Variants in PRELID2 observed in about 807,000 individuals in gnomAD.
PRELID2 encodes the protein PRELI domain-containing protein 2.
In PRELID2, 25 loss-of-function variants were observed where a neutral mutation model predicts 28.4. The observed-to-expected ratio is 0.88, with a 90% CI of 0.64 to 1.23. The LOEUF (loss-of-function observed/expected upper bound fraction) is 1.23, where lower values mean the gene tolerates loss of function less well. Among genes scored for constraint, PRELID2 ranks in the 50% most tolerant of loss-of-function variants. The probability of loss-of-function intolerance (pLI) is 0.00; values close to 1 mark genes in which losing one functional copy is unlikely to be tolerated. For synonymous variants in PRELID2, 76 were observed against 71.6 expected (o/e 1.06, Z -0.31); for missense variants, 201 against 214.4 (o/e 0.94, Z 0.39).
At chr5:145,494,420 G>A (rs955086175) in intron 1 of PRELID2, among the ~76,000 whole-genome samples, 2 of 152,056 alleles carry the variant, frequency 1.3e-5, no homozygotes, top group Non-Finnish European at 2.9e-5. Context: ...AGCAATATAG[G>A]ATTAATAAAA....
At chr5:145,659,895 GAAGGGATAGAA>G (rs994084785) in intron 1 of PRELID2, among the ~76,000 whole-genome samples, 8 of 152,118 alleles carry the variant, frequency 5.3e-5, no homozygotes, top group Non-Finnish European at 8.8e-5. Context: ...GTCTATGTGG[GAAGGGATAGAA>G]AAGGGTAGCA....
At chr5:145,652,277 T>C (rs557960447) in intron 1 of PRELID2, among the ~76,000 whole-genome samples, 8 of 152,340 alleles carry the variant, frequency 5.3e-5, no homozygotes, top group African/African-American at 1.4e-4. Context: ...CTATGTCTGA[T>C]TGGCATACCT....
chr5:145,724,600 A>AATATACATATATAT (rs1554086392), intron 1 of PRELID2, among the ~76,000 whole-genome samples: 1 of 24,788 alleles, frequency 4.0e-5, no homozygotes, highest in Non-Finnish European at 9.5e-5. Flanking sequence ...GAAGTAAATA[A>AATATACATATATAT]ATATATATAT....
intron 1 of PRELID2, among the ~76,000 whole-genome samples, chr5:145,640,727 G>A (rs1022512544): frequency 7.3e-5 from 11 of 151,640 alleles, no homozygotes; most frequent in Non-Finnish European, 1.6e-4. Context: ...AGACAGCTTT[G>A]AAGTACAAGT....
intron 1 of PRELID2, among the ~76,000 whole-genome samples, chr5:145,515,316 T>G (rs190558075): frequency 9.5e-4 from 145 of 152,298 alleles, no homozygotes; most frequent in African/African-American, 3.2e-3. Context: ...ATATAGGGGA[T>G]ATCACCACTG....
intron 1 of PRELID2, among the ~76,000 whole-genome samples, chr5:145,498,974 A>T (rs1752331620): frequency 6.6e-6 from 1 of 152,230 alleles, no homozygotes. Flanking sequence ...CTGAGTTAAA[A>T]AAAAGACAAA....
chr5:145,286,003 T>A, the PRELID2 span, among the ~76,000 whole-genome samples: 1 of 152,170 alleles, frequency 6.6e-6, no homozygotes, highest in Non-Finnish European at 1.5e-5. Flanking sequence ...TGATTTGACT[T>A]CTCAGTCCCA....
chr5:145,360,205 C>T, the PRELID2 span, among the ~76,000 whole-genome samples: 2 of 152,144 alleles, frequency 1.3e-5, no homozygotes, highest in Non-Finnish European at 2.9e-5. Context: ...TGGGGAGACT[C>T]ACCCCCAAGG....
intron 1 of PRELID2, among the ~76,000 whole-genome samples, chr5:145,622,912 T>C (rs2149652940): frequency 6.6e-6 from 1 of 152,090 alleles, no homozygotes; most frequent in South Asian, 2.1e-4. Flanking sequence ...TGGCTAGATA[T>C]AAGACATATA....
At chr5:145,335,091 T>G in the PRELID2 span, among the ~76,000 whole-genome samples, 1 of 152,228 alleles carries the variant, frequency 6.6e-6, no homozygotes, top group East Asian at 1.9e-4. Context: ...ACCATGAGTT[T>G]CATAATTTGT....
In PRELID2 at chr5:145,806,541, A is replaced by G. The variant is rs115500943; in HGVS notation, c.369-9994T>C. On this transcript the variant is annotated intron_variant, in intron 4 of 6. Transcript: ENST00000683046. ...GCTGTTTAACAGTTAACTTTTTAAA[A>G]TATTTTATAAGTTAGGAGTACACTT... Among the ~76,000 whole-genome samples the G allele has an allele frequency of 9.9e-3, 1,510 of 152,336 alleles. 17 individuals are homozygous for G. The highest frequency in any genetic ancestry group is 0.034 in the African/African-American group (1,398 of 41,568).
the PRELID2 span, among the ~76,000 whole-genome samples, chr5:145,337,238 A>C: frequency 1.3e-5 from 2 of 152,032 alleles, no homozygotes; most frequent in Admixed American, 1.3e-4. Flanking sequence ...AATGACATTA[A>C]GACAAAACAC....
intron 1 of PRELID2, among the ~76,000 whole-genome samples, chr5:145,746,429 AAAG>A (rs1277093065): frequency 1.3e-5 from 2 of 152,224 alleles, no homozygotes; most frequent in Non-Finnish European, 2.9e-5. Flanking sequence ...CAAAAGAGAC[AAAG>A]AAGGGCATTA....
At chr5:145,256,407 T>C in the PRELID2 span, among the ~76,000 whole-genome samples, 1 of 152,088 alleles carries the variant, frequency 6.6e-6, no homozygotes, top group Non-Finnish European at 1.5e-5. Flanking sequence ...TCTGTTTCTA[T>C]TGATTATTTT....
At chr5:145,677,066 T>C (rs1436599179) in intron 1 of PRELID2, among the ~76,000 whole-genome samples, 1 of 151,904 alleles carries the variant, frequency 6.6e-6, no homozygotes, top group East Asian at 1.9e-4. Flanking sequence ...GGTGTAATAT[T>C]TGAAAAAAAT....
chr5:145,826,322 A>G (rs1755191248), intron 1 of PRELID2: 1 of 311,884 alleles, frequency 3.2e-6, no homozygotes, highest in African/African-American at 2.3e-5. Context: ...TCATGAAAGC[A>G]ATGTGATCTG....
intron 1 of PRELID2, among the ~76,000 whole-genome samples, chr5:145,596,248 T>C (rs1753304748): frequency 6.6e-6 from 1 of 152,172 alleles, no homozygotes. Context: ...ACTTTATTTA[T>C]TCAGCTAGCT....
the PRELID2 span, among the ~76,000 whole-genome samples, chr5:145,375,398 G>A: frequency 4.6e-5 from 7 of 152,120 alleles, no homozygotes; most frequent in African/African-American, 1.7e-4. Flanking sequence ...GATGCCAGTA[G>A]AATCATTCCT....
chr5:145,564,778 C>T (rs1441759299), intron 1 of PRELID2, among the ~76,000 whole-genome samples: 1 of 152,172 alleles, frequency 6.6e-6, no homozygotes, highest in Non-Finnish European at 1.5e-5. Flanking sequence ...GATAACCCCC[C>T]TTTCCTAACT....
Sources: allele counts gnomAD v4.1 joint callset (sites outside exome capture counted in the v4.1 genomes callset), GRCh38; gene constraint gnomAD v4.1.1; transcripts MANE v1.5; gene names NCBI Gene and HGNC (gene_info 2026-07-23, HGNC 2026-07-21).